Variants in ANKRD60 observed in about 807,000 individuals in gnomAD.
The protein encoded by ANKRD60 is ankyrin repeat domain 60.
In ANKRD60, 24 loss-of-function variants were observed where a neutral mutation model predicts 21.3. The observed-to-expected ratio is 1.13, with a 90% CI of 0.82 to 1.59. The LOEUF (loss-of-function observed/expected upper bound fraction) is 1.59. ANKRD60 is among the 40% of genes most tolerant of loss of function. The pLI is 0.00. For synonymous variants in ANKRD60, 182 were observed against 199.4 expected (o/e 0.91, Z 0.74); for missense variants, 490 against 466.7 (o/e 1.05, Z -0.46).
chr20:58,220,035 C>T (rs1293560621), intron 3 of ANKRD60, among the ~76,000 whole-genome samples: 1 of 152,184 alleles, frequency 6.6e-6, no homozygotes, highest in Non-Finnish European at 1.5e-5. Flanking sequence ...TCATCCGGCC[C>T]AGGAAGTCCA....
In ANKRD60 at chr20:58,218,693, G is replaced by A. The variant is rs745692942; in HGVS notation, c.840C>T (p.His280=). 45 of 1,551,758 alleles carry A rather than the reference G, an allele frequency of 2.9e-5. 1 individual carries two copies. Among genetic ancestry groups the A allele is most frequent in the Middle Eastern group, 3.3e-4 (2 of 5,992 alleles). ...GGGTCTCCCCCTTGGCATCTCTGTC[G>A]TGGATGGAGGCCCCGTGCTGGAGCA... is the stretch of plus-strand genomic sequence containing the variant. Residue 280 remains histidine (H), a synonymous_variant, in exon 4 of 4, where the codon CAC becomes CAT. Coordinates refer to ENST00000457363, the Ensembl canonical transcript of ANKRD60.
chr20:58,216,268 G>A (rs2039326310), downstream of ANKRD60, among the ~76,000 whole-genome samples: 1 of 152,170 alleles, frequency 6.6e-6, no homozygotes, highest in Non-Finnish European at 1.5e-5. Context: ...TGAGCAAAAT[G>A]TCACCATGAA....
intron 2 of ANKRD60, among the ~76,000 whole-genome samples, chr20:58,222,445 CAT>C (rs1984278375): frequency 6.6e-6 from 1 of 152,258 alleles, no homozygotes; most frequent in Admixed American, 6.5e-5. Flanking sequence ...TCCAGGAGCA[CAT>C]AGCTTTCCAT....
downstream of ANKRD60, chr20:58,218,474 G>C (rs762097973): frequency 6.5e-7 from 1 of 1,538,414 alleles, no homozygotes; most frequent in South Asian, 1.2e-5. Flanking sequence ...AGCCTCAGCG[G>C]GCAAACGTTC....
chr20:58,223,204 C>A (rs749615963), intron 1 of ANKRD60, 22 bp from the exon 2 acceptor site: 11 of 1,529,996 alleles, frequency 7.2e-6, no homozygotes, highest in African/African-American at 4.2e-5. Context: ...AATTTTTTTT[C>A]TTTTAAAAAA....
At chr20:58,226,664 G>A (rs1367229862) in intron 1 of ANKRD60, among the ~76,000 whole-genome samples, 2 of 152,166 alleles carry the variant, frequency 1.3e-5, no homozygotes, top group African/African-American at 4.8e-5. Flanking sequence ...TCAGATATGT[G>A]TGGGTTTGAC....
intron 3 of ANKRD60, among the ~76,000 whole-genome samples, chr20:58,219,556 G>T (rs569397099): frequency 1.3e-5 from 2 of 152,148 alleles, no homozygotes; most frequent in African/African-American, 4.8e-5. Context: ...ATTCCCCACC[G>T]CCTCCTGCAG....
At chr20:58,219,746 C>T (rs1439685180) in intron 3 of ANKRD60, among the ~76,000 whole-genome samples, 3 of 152,178 alleles carry the variant, frequency 2.0e-5, no homozygotes, top group Non-Finnish European at 4.4e-5. Context: ...CTTAGAACAC[C>T]AGTGTCGACC....
chr20:58,219,417 A>G (rs1227432405), intron 3 of ANKRD60, among the ~76,000 whole-genome samples: 1 of 152,210 alleles, frequency 6.6e-6, no homozygotes, highest in Non-Finnish European at 1.5e-5. Flanking sequence ...CCAGGAGGGC[A>G]GAAAATACAC....
At chr20:58,217,628 T>C (rs2122798843), downstream of ANKRD60, among the ~76,000 whole-genome samples, 1 of 152,172 alleles carries the variant, frequency 6.6e-6, no homozygotes, top group African/African-American at 2.4e-5. Context: ...CTCGGCAGGC[T>C]GGGACCCTGT....
intron 1 of ANKRD60, among the ~76,000 whole-genome samples, chr20:58,226,420 A>C (rs1984364564): frequency 6.6e-6 from 1 of 152,108 alleles, no homozygotes; most frequent in Non-Finnish European, 1.5e-5. Flanking sequence ...TCATGGTGAT[A>C]AAATCTGCTC....
intron 3 of ANKRD60, 135 bp downstream of exon 3, chr20:58,221,203 G>A: frequency 2.1e-6 from 2 of 948,150 alleles, no homozygotes; most frequent in South Asian, 1.8e-5. Flanking sequence ...GCACCATGGG[G>A]ACCCTGACTG....
At chr20:58,223,549 A>G (rs565724954) in intron 1 of ANKRD60, among the ~76,000 whole-genome samples, 80 of 152,370 alleles carry the variant, frequency 5.3e-4, no homozygotes, top group Non-Finnish European at 9.1e-4. Context: ...ACACAGCACA[A>G]TGTGGTTATA....
rs1352167684 is a variant in ANKRD60, at chr20:58,228,567, A to G, written c.87T>C (p.Ser29=). 2.5e-6 allele frequency: 3 copies of G among 1,214,652 alleles called. No individual in the cohort carries two copies. The highest frequency in any genetic ancestry group is 3.1e-6 in the Non-Finnish European group (3 of 977,894). The allele number at this position is 1,214,652 out of a possible 1,614,324, so 75.2% of individuals were successfully genotyped here. Residue 29 remains serine (S), a synonymous_variant, in exon 1 of 4, where the codon TCT becomes TCC. Transcript: ENST00000457363. The surrounding 1 kb of genome is among the most constrained non-coding windows in gnomAD (Gnocchi z 5.3). The stretch of plus-strand genomic sequence containing the variant: ...TGCGTCCCGCATTGGGGTGCAGGCG[A>G]GAGGCGCCCCCAGTTGGCCCCGCCG...
At chr20:58,218,219 T>C (rs920968757), downstream of ANKRD60, among the ~76,000 whole-genome samples, 4 of 152,310 alleles carry the variant, frequency 2.6e-5, no homozygotes, top group South Asian at 8.3e-4. Flanking sequence ...CCCATCACCC[T>C]GAGCAGCGCT....
At chr20:58,219,688 G>C (rs1202822396) in intron 3 of ANKRD60, among the ~76,000 whole-genome samples, 2 of 152,236 alleles carry the variant, frequency 1.3e-5, no homozygotes, top group African/African-American at 4.8e-5. Context: ...TCAGTAGCCA[G>C]TTTTTATGAG....
chr20:58,219,054 C>T (rs927539204), intron 3 of ANKRD60, among the ~76,000 whole-genome samples: 1 of 152,102 alleles, frequency 6.6e-6, no homozygotes, highest in Admixed American at 6.5e-5. Context: ...CTTTCCCGCT[C>T]ACTCTCACCC....
chr20:58,223,270 G>T, intron 1 of ANKRD60, 88 bp from the exon 2 acceptor site: 2 of 1,111,216 alleles, frequency 1.8e-6, no homozygotes, highest in Non-Finnish European at 2.5e-6. Flanking sequence ...ATCTGACCTT[G>T]AGTGCCACAA....
At chr20:58,225,632 C>T (rs539671421) in intron 1 of ANKRD60, among the ~76,000 whole-genome samples, 8 of 152,152 alleles carry the variant, frequency 5.3e-5, no homozygotes, top group Non-Finnish European at 1.0e-4. Context: ...AAACTGAGCC[C>T]AGAAGGGCAG....
Sources: gnomAD v4.1 joint callset for allele counts (sites outside exome capture counted in the v4.1 genomes callset) on GRCh38, gnomAD v4.1.1 for gene constraint, Gnocchi (gnomAD v3.1) non-coding constraint, MANE v1.5 for transcripts, NCBI Gene and HGNC (gene_info 2026-07-23, HGNC 2026-07-21) for gene names.